Variants in AKAP13 observed in about 807,000 individuals in gnomAD.
AKAP13 encodes A-kinase anchoring protein 13.
In AKAP13, 80 loss-of-function variants were observed where a neutral mutation model predicts 264.5. That is an observed-to-expected ratio of 0.30 (90% confidence interval 0.25 to 0.36). AKAP13 has a LOEUF of 0.36. Ranked by LOEUF, AKAP13 falls within the 10% of genes least tolerant of loss-of-function variation. The pLI is 1.00. For synonymous variants in AKAP13, 1,380 were observed against 1,250.2 expected (o/e 1.10, Z -2.19); for missense variants, 3,712 against 3,435.2 (o/e 1.08, Z -2.01).
chr15:85,599,984 T>C (rs886685184), intron 8 of AKAP13, among the ~76,000 whole-genome samples: 1 of 152,296 alleles, frequency 6.6e-6, no homozygotes, highest in Non-Finnish European at 1.5e-5. Flanking sequence ...CAAACAAACA[T>C]CAAGCTGCCC....
intron 8 of AKAP13, among the ~76,000 whole-genome samples, chr15:85,600,354 T>A (rs2080003927): frequency 1.3e-5 from 2 of 151,850 alleles, no homozygotes; most frequent in Non-Finnish European, 2.9e-5. Flanking sequence ...CTTACTATTC[T>A]TCCTCTGAAA....
At chr15:85,676,724 T>C (rs1014618710) in intron 14 of AKAP13, among the ~76,000 whole-genome samples, 1 of 152,220 alleles carries the variant, frequency 6.6e-6, no homozygotes, top group Non-Finnish European at 1.5e-5. Flanking sequence ...GAACCCCAGG[T>C]ATGAATTGTG....
chr15:85,627,191 C>T (rs1405498111), intron 8 of AKAP13, among the ~76,000 whole-genome samples: 1 of 152,112 alleles, frequency 6.6e-6, no homozygotes, highest in Admixed American at 6.6e-5. Context: ...GAAGCTAGCG[C>T]CAGCCTTTCT....
At chr15:85,711,554 G>A (rs948717283) in intron 19 of AKAP13, among the ~76,000 whole-genome samples, 7 of 151,770 alleles carry the variant, frequency 4.6e-5, no homozygotes, top group Admixed American at 3.3e-4. Flanking sequence ...GTTATTGTAC[G>A]CTATTGTTTC....
At chr15:85,516,305 T>C (rs1469018117) in intron 2 of AKAP13, among the ~76,000 whole-genome samples, 1 of 152,184 alleles carries the variant, frequency 6.6e-6, no homozygotes, top group Non-Finnish European at 1.5e-5. Flanking sequence ...ATGATTCTTG[T>C]CCTCCATTAT....
chr15:85,665,285 G>A (rs553913349), intron 13 of AKAP13, among the ~76,000 whole-genome samples: 2 of 152,142 alleles, frequency 1.3e-5, no homozygotes, highest in African/African-American at 4.8e-5. Context: ...TTAAAATTAG[G>A]AAAGTATCCA....
intron 17 of AKAP13, among the ~76,000 whole-genome samples, chr15:85,699,056 C>A (rs945063892): frequency 6.6e-5 from 10 of 151,688 alleles, no homozygotes; most frequent in Non-Finnish European, 1.3e-4. Context: ...GCAGACAGAG[C>A]TCTCCAAGAC....
chr15:85,404,656 G>A (rs928658887), intron 1 of AKAP13, among the ~76,000 whole-genome samples: 2 of 152,124 alleles, frequency 1.3e-5, no homozygotes, highest in Non-Finnish European at 2.9e-5. Flanking sequence ...AAGCATTTCT[G>A]GCACACTGTT....
intron 8 of AKAP13, among the ~76,000 whole-genome samples, chr15:85,599,028 G>A (rs1410307355): frequency 6.6e-6 from 1 of 152,188 alleles, no homozygotes; most frequent in African/African-American, 2.4e-5. Context: ...CTTCCCAGGA[G>A]TCATTAGGTT....
chr15:85,620,284 TGTGCACA>T (rs1182783969), intron 8 of AKAP13: 2 of 978,890 alleles, frequency 2.0e-6, no homozygotes, highest in African/African-American at 3.2e-5. Flanking sequence ...CCGAGAAATC[TGTGCACA>T]GTGGAGGATG....
intron 8 of AKAP13, among the ~76,000 whole-genome samples, chr15:85,601,012 C>G (rs2080038370): frequency 6.6e-6 from 1 of 152,226 alleles, no homozygotes; most frequent in African/African-American, 2.4e-5. Flanking sequence ...CTTTGCTACA[C>G]TATATTTCTA....
intron 2 of AKAP13, among the ~76,000 whole-genome samples, chr15:85,513,635 C>A (rs2076514528): frequency 6.6e-6 from 1 of 152,096 alleles, no homozygotes; most frequent in Admixed American, 6.5e-5. Flanking sequence ...CTGTTTATTT[C>A]AAAAATGCTT....
intron 36 of AKAP13, 25 bp downstream of exon 36, chr15:85,743,850 C>A: frequency 1.3e-6 from 2 of 1,587,182 alleles, no homozygotes; most frequent in South Asian, 1.1e-5. Flanking sequence ...CCTGCTCTCC[C>A]TGTGGCCATA....
intron 1 of AKAP13, among the ~76,000 whole-genome samples, chr15:85,475,899 C>G (rs1006821832): frequency 2.0e-5 from 3 of 151,680 alleles, no homozygotes; most frequent in African/African-American, 7.3e-5. Context: ...TCATTGGGGG[C>G]TCAGTACTGT....
chr15:85,414,229 G>T (rs1440839615), intron 1 of AKAP13, among the ~76,000 whole-genome samples: 1 of 152,038 alleles, frequency 6.6e-6, no homozygotes, highest in Non-Finnish European at 1.5e-5. Context: ...CTGTAAACAG[G>T]CTTTGACGGG....
At chr15:85,420,405 G>GTTCA (rs768972738) in intron 1 of AKAP13, among the ~76,000 whole-genome samples, 8 of 152,208 alleles carry the variant, frequency 5.3e-5, no homozygotes, top group Non-Finnish European at 7.4e-5. Context: ...AGCCCAGTCT[G>GTTCA]TTCATTCATC....
intron 17 of AKAP13, among the ~76,000 whole-genome samples, chr15:85,705,141 T>G (rs1416970089): frequency 6.6e-6 from 1 of 152,210 alleles, no homozygotes; most frequent in Non-Finnish European, 1.5e-5. Flanking sequence ...AGAAGCACAT[T>G]TTAAATGATT....
At chr15:85,689,000 C>G (rs921445235) in intron 16 of AKAP13, among the ~76,000 whole-genome samples, 1 of 152,202 alleles carries the variant, frequency 6.6e-6, no homozygotes, top group African/African-American at 2.4e-5. Context: ...TGACCCTCTT[C>G]AAACCATCCT....
At chr15:85,574,836 G>A (rs1027568373) in intron 5 of AKAP13, among the ~76,000 whole-genome samples, 7 of 152,030 alleles carry the variant, frequency 4.6e-5, no homozygotes, top group Non-Finnish European at 8.8e-5. Flanking sequence ...CTCATTACTT[G>A]GTTGTTAGCA....
Sources: allele counts gnomAD v4.1 joint callset (sites outside exome capture counted in the v4.1 genomes callset), GRCh38; gene constraint gnomAD v4.1.1; transcripts MANE v1.5; gene names NCBI Gene and HGNC (gene_info 2026-07-23, HGNC 2026-07-21).